WDR4: variants seen among roughly 807,000 people sequenced by gnomAD.
The protein encoded by WDR4 is WDR4 tRNA N7-guanosine methyltransferase non-catalytic subunit.
WDR4 carries 47 observed loss-of-function variants against 48.6 expected under a neutral mutation model. The observed-to-expected ratio is 0.97, with a 90% CI of 0.77 to 1.23. The LOEUF is 1.23. WDR4 is among the 50% of genes most tolerant of loss of function. The pLI is 0.00. For missense variants in WDR4, 606 were observed against 551.6 expected (o/e 1.10, Z -0.99); for synonymous variants, 268 against 230.0 (o/e 1.17, Z -1.49).
At chr21:42,875,320 G>A (rs1490445873) in intron 2 of WDR4, among the ~76,000 whole-genome samples, 1 of 152,156 alleles carries the variant, frequency 6.6e-6, no homozygotes, top group African/African-American at 2.4e-5. Context: ...GGGAGGCCAA[G>A]GCAGGTGGAT....
the WDR4 span, among the ~76,000 whole-genome samples, chr21:42,892,550 G>A: frequency 1.1e-5 from 1 of 91,766 alleles, no homozygotes; most frequent in Non-Finnish European, 2.1e-5. Flanking sequence ...CTCTTCCCCT[G>A]TGGAAGCTGA....
chr21:42,885,184 C>T, the WDR4 span, among the ~76,000 whole-genome samples: 6 of 152,280 alleles, frequency 3.9e-5, no homozygotes, highest in East Asian at 7.7e-4. Context: ...ACCCTAGCAG[C>T]GTATTAAGAT....
chr21:42,873,067 C>T (rs1398790603), intron 3 of WDR4, among the ~76,000 whole-genome samples: 1 of 152,228 alleles, frequency 6.6e-6, no homozygotes, highest in African/African-American at 2.4e-5. Flanking sequence ...CACGGATCCA[C>T]TCCCCATCCA....
rs1474570437 is a variant in WDR4, at chr21:42,863,532, C to T, written c.361G>A (p.Asp121Asn). The T allele has an allele frequency of 9.3e-6, 15 of 1,613,902 alleles. No individual in the cohort carries two copies. Among genetic ancestry groups the T allele is most frequent in the Admixed American group, 3.3e-5 (2 of 59,996 alleles). The change falls in exon 4 of 11, where the codon GAC (aspartate) becomes AAC (asparagine). Residue 121 changes from aspartate (D) to asparagine (N), a missense_variant. Coordinates refer to ENST00000398208, the MANE Select transcript of WDR4 (RefSeq NM_018669.6). ...IASEEKVLVA[D>N]KSGDVYSFSV... ...AAGGAGTAGACGTCTCCAGACTTGT[C>T]GGCCACCAAGACCTTCTCCTCCGAG...
intron 3 of WDR4, among the ~76,000 whole-genome samples, chr21:42,871,549 G>A (rs1424597014): frequency 6.6e-6 from 1 of 152,218 alleles, no homozygotes; most frequent in Non-Finnish European, 1.5e-5. Flanking sequence ...GGCTATCTTA[G>A]CAAGAGGATG....
intron 3 of WDR4, among the ~76,000 whole-genome samples, chr21:42,871,247 G>A (rs1464453668): frequency 6.6e-6 from 1 of 152,206 alleles, no homozygotes; most frequent in African/African-American, 2.4e-5. Context: ...TGAGAAAATT[G>A]TTATTTAAGG....
chr21:42,882,583 T>G (rs139192581), upstream of WDR4, among the ~76,000 whole-genome samples: 207 of 151,546 alleles, frequency 1.4e-3, no homozygotes, highest in South Asian at 3.8e-3. Flanking sequence ...AAAAAAAAAC[T>G]TATGGATTGT....
chr21:42,882,916 T>C (rs1003482097), upstream of WDR4, among the ~76,000 whole-genome samples: 2 of 151,932 alleles, frequency 1.3e-5, no homozygotes, highest in African/African-American at 2.4e-5. Context: ...CTGGCCAACA[T>C]AGTGAAACCC....
intron 2 of WDR4, among the ~76,000 whole-genome samples, chr21:42,876,085 A>G (rs891369109): frequency 2.0e-5 from 3 of 151,338 alleles, no homozygotes; most frequent in Non-Finnish European, 2.9e-5. Context: ...ATGCCTGGCT[A>G]TTTTTAGTAG....
At chr21:42,854,986 G>T (rs2057948686) in intron 7 of WDR4, among the ~76,000 whole-genome samples, 1 of 152,258 alleles carries the variant, frequency 6.6e-6, no homozygotes, top group African/African-American at 2.4e-5. Context: ...TCCTGGCAGA[G>T]GAAATATTAA....
chr21:42,847,050 C>G (rs1374030539), downstream of WDR4, among the ~76,000 whole-genome samples: 1 of 150,206 alleles, frequency 6.7e-6, no homozygotes, highest in Non-Finnish European at 1.5e-5. Context: ...AAAAAAAAAC[C>G]AGATACAATG....
At chr21:42,876,284 GCT>G (rs2058491219) in intron 2 of WDR4, among the ~76,000 whole-genome samples, 1 of 142,906 alleles carries the variant, frequency 7.0e-6, no homozygotes, top group African/African-American at 2.7e-5. Flanking sequence ...CGCAATCTCA[GCT>G]CTCTGCAACC....
rs1212302635 is a variant in WDR4 at position 42,879,407 on chromosome 21, C to G, written c.89G>C (p.Ser30Thr). The G allele has an allele frequency of 1.9e-6, 3 of 1,613,606 alleles. No homozygotes were observed. The highest frequency in any genetic ancestry group is 1.7e-6 in the Non-Finnish European group (2 of 1,179,830). The stretch of plus-strand genomic sequence containing the variant: ...TGTTCCAAGACCAAGGCCCCCTCAC[C>G]TGCTTGCTATGGAGGTGGCCAGGAA... ...SRFLATSIAS[S>T]DDDSLFIYDC... Residue 30 changes from serine to threonine, a missense_variant and splice_region_variant, in exon 1 of 11, where the codon AGT becomes ACT. Physicochemically the swap from Ser to Thr is moderately conservative, Grantham distance 58. Coordinates refer to ENST00000398208, the MANE Select transcript of WDR4 (RefSeq NM_018669.6).
At chr21:42,866,502 G>A (rs892117570) in intron 3 of WDR4, among the ~76,000 whole-genome samples, 14 of 152,224 alleles carry the variant, frequency 9.2e-5, no homozygotes, top group African/African-American at 2.4e-4. Flanking sequence ...AAGCGTGGGC[G>A]GTTTTCTGGG....
At chr21:42,888,629 CCTAT>C in the WDR4 span, among the ~76,000 whole-genome samples, 3 of 151,562 alleles carry the variant, frequency 2.0e-5, no homozygotes, top group South Asian at 6.3e-4. Flanking sequence ...TCTGGAAAAC[CCTAT>C]CTATCACACT....
the WDR4 span, among the ~76,000 whole-genome samples, chr21:42,892,483 A>T: frequency 1.1e-5 from 1 of 87,584 alleles, no homozygotes; most frequent in Non-Finnish European, 2.2e-5. Context: ...CACCTCAATG[A>T]ATCGCTAGCT....
chr21:42,874,267 T>A (rs982878702), intron 2 of WDR4, among the ~76,000 whole-genome samples: 16 of 152,242 alleles, frequency 1.1e-4, no homozygotes, highest in African/African-American at 3.9e-4. Context: ...ACTTCCCCAG[T>A]CAATACCCTT....
chr21:42,885,083 A>T, the WDR4 span, among the ~76,000 whole-genome samples: 3 of 152,190 alleles, frequency 2.0e-5, no homozygotes, highest in East Asian at 5.8e-4. Flanking sequence ...GACACATATT[A>T]TGTTTCTAAA....
At chr21:42,852,047 G>A (rs762733957) in intron 10 of WDR4, among the ~76,000 whole-genome samples, 15 of 152,180 alleles carry the variant, frequency 9.9e-5, no homozygotes, top group South Asian at 2.1e-4. Flanking sequence ...AGTGGCTCTC[G>A]TTAGCCTGAC....
Sources: allele counts gnomAD v4.1 joint callset (sites outside exome capture counted in the v4.1 genomes callset), GRCh38; gene constraint gnomAD v4.1.1; transcripts MANE v1.5; gene names NCBI Gene and HGNC (gene_info 2026-07-23, HGNC 2026-07-21).